The following STPG4 variants were observed in gnomAD, a reference collection of about 807,000 sequenced individuals.
The protein encoded by STPG4 is protein STPG4.
Under a neutral mutation model 31.5 loss-of-function variants are expected in STPG4, and 41 were observed. The ratio of observed to expected loss-of-function variants is 1.30; its 90% CI spans 1.01 to 1.69. The LOEUF (loss-of-function observed/expected upper bound fraction) is 1.69. Among genes scored for constraint, STPG4 ranks in the 40% most tolerant of loss-of-function variants. STPG4 has a pLI of 0.00. For missense variants in STPG4, 375 were observed against 293.4 expected (o/e 1.28, Z -2.03); for synonymous variants, 141 against 103.0 (o/e 1.37, Z -2.24).
At chr2:47,125,901 T>A (rs1432290672) in intron 5 of STPG4, among the ~76,000 whole-genome samples, 1 of 152,172 alleles carries the variant, frequency 6.6e-6, no homozygotes, top group Admixed American at 6.5e-5. Flanking sequence ...TTTTGTAAAA[T>A]GGCAAGAGAT....
intron 5 of STPG4, among the ~76,000 whole-genome samples, chr2:47,099,634 C>A (rs796925721): frequency 2.6e-5 from 4 of 152,390 alleles, no homozygotes; most frequent in African/African-American, 9.6e-5. Flanking sequence ...TTTGGCGGCA[C>A]TTGAGGAGCC....
chr2:47,138,977 T>G (rs1356575139), intron 3 of STPG4, among the ~76,000 whole-genome samples: 3 of 152,208 alleles, frequency 2.0e-5, no homozygotes, highest in African/African-American at 7.2e-5. Context: ...GAGCCACCGC[T>G]GCCAGCCCTG....
At chr2:47,125,264 A>T (rs1686343288) in intron 5 of STPG4, among the ~76,000 whole-genome samples, 1 of 152,156 alleles carries the variant, frequency 6.6e-6, no homozygotes, top group African/African-American at 2.4e-5. Context: ...CTACAAAAAA[A>T]TACAAAAATT....
intron 3 of STPG4, among the ~76,000 whole-genome samples, chr2:47,144,219 A>G (rs372335224): frequency 2.0e-5 from 3 of 152,256 alleles, no homozygotes; most frequent in Non-Finnish European, 4.4e-5. Flanking sequence ...TCTGCAAGGT[A>G]GACTTGCAGA....
At chr2:47,103,762 C>G (rs996987738) in intron 5 of STPG4, among the ~76,000 whole-genome samples, 3 of 152,002 alleles carry the variant, frequency 2.0e-5, no homozygotes, top group African/African-American at 7.3e-5. Context: ...GATGATCCAA[C>G]AACAGGACTG....
Position 47,106,334 on chromosome 2 carries a change from C to G in STPG4, c.520-15960G>C, listed in dbSNP as rs145980617. Among the ~76,000 whole-genome samples, 560 of 151,968 alleles carry G rather than the reference C, an allele frequency of 3.7e-3. 16 individuals are homozygous for G. The highest frequency in any genetic ancestry group is 0.013 in the African/African-American group (521 of 41,288). On this transcript the variant is annotated intron_variant, in intron 5 of 6. Coordinates refer to ENST00000445927, the MANE Select transcript of STPG4 (RefSeq NM_001163561.2). ...ATTAACATTGCCCCAGGAAATCAGA[C>G]CTTATCAGTACCCCTCAAAGCTCAA...
At chr2:47,089,322 A>G (rs1376364766) in intron 6 of STPG4, among the ~76,000 whole-genome samples, 1 of 152,148 alleles carries the variant, frequency 6.6e-6, no homozygotes, top group Non-Finnish European at 1.5e-5. Flanking sequence ...ATCACTCTAG[A>G]TAAAGGCTGT....
intron 3 of STPG4, among the ~76,000 whole-genome samples, chr2:47,141,230 C>G (rs1366769951): frequency 1.3e-5 from 2 of 151,638 alleles, no homozygotes; most frequent in East Asian, 3.9e-4. Context: ...TCTCTTCTCT[C>G]TCAGAAGTAA....
At chr2:47,092,800 T>A (rs1685597937) in intron 5 of STPG4, among the ~76,000 whole-genome samples, 1 of 4,910 alleles carries the variant, frequency 2.0e-4, no homozygotes. Flanking sequence ...CACGGTTCTG[T>A]TTTTTTTTTT....
At chr2:47,111,339 CT>C (rs1443990509) in intron 5 of STPG4, among the ~76,000 whole-genome samples, 3 of 152,196 alleles carry the variant, frequency 2.0e-5, no homozygotes, top group Non-Finnish European at 4.4e-5. Flanking sequence ...TGCAGAGTAT[CT>C]GATATCCTTA....
At chr2:47,148,471 C>G (rs180780857) in intron 3 of STPG4, among the ~76,000 whole-genome samples, 1 of 151,734 alleles carries the variant, frequency 6.6e-6, no homozygotes, top group Non-Finnish European at 1.5e-5. Flanking sequence ...TACAGATTCT[C>G]GAGTTGAGTT....
At chr2:47,121,497 G>A (rs940594060) in intron 5 of STPG4, among the ~76,000 whole-genome samples, 1 of 151,928 alleles carries the variant, frequency 6.6e-6, no homozygotes, top group Admixed American at 6.6e-5. Flanking sequence ...CTACAGATAC[G>A]GATATTTATG....
chr2:47,148,472 G>A (rs141102262), intron 3 of STPG4, among the ~76,000 whole-genome samples: 193 of 151,904 alleles, frequency 1.3e-3, no homozygotes, highest in African/African-American at 4.3e-3. Context: ...ACAGATTCTC[G>A]AGTTGAGTTA....
At chr2:47,116,181 G>A (rs568335367) in intron 5 of STPG4, among the ~76,000 whole-genome samples, 17 of 152,290 alleles carry the variant, frequency 1.1e-4, no homozygotes, top group South Asian at 2.1e-4. Context: ...GTTTGAATGC[G>A]TCCCCTCCAA....
chr2:47,152,566 T>C (rs1165317541), intron 2 of STPG4, among the ~76,000 whole-genome samples: 1 of 152,254 alleles, frequency 6.6e-6, no homozygotes, highest in Admixed American at 6.5e-5. Flanking sequence ...TTTGCTTTCA[T>C]ATATTGACCA....
Position 47,126,501 on chromosome 2 carries a change from A to AT in STPG4, c.519+3439dup, listed in dbSNP as rs1004169798. 3.3e-5 allele frequency among the ~76,000 whole-genome samples: 5 copies of AT among 151,860 alleles called. No individual in the cohort carries two copies. The East Asian group carries it at 7.7e-4, about 23-fold the overall frequency. On this transcript the variant is annotated intron_variant, in intron 5 of 6. Coordinates refer to ENST00000445927, the MANE Select transcript of STPG4 (RefSeq NM_001163561.2). ...GCCATCATGCCCAGGTAATTTTTAA[A>AT]TTTTTTGTAGAGATGGAGTCTCTCT...
chr2:47,088,476 G>C (rs910481615), intron 6 of STPG4, among the ~76,000 whole-genome samples: 1 of 152,178 alleles, frequency 6.6e-6, no homozygotes, highest in Non-Finnish European at 1.5e-5. Flanking sequence ...ACAACCAACA[G>C]CTCAGTGGGA....
chr2:47,088,975 A>G (rs1685515282), intron 6 of STPG4, among the ~76,000 whole-genome samples: 1 of 152,202 alleles, frequency 6.6e-6, no homozygotes, highest in African/African-American at 2.4e-5. Context: ...GGGTTCAGCC[A>G]CCTTGAGAAC....
At chr2:47,118,533 A>T (rs1229022277) in intron 5 of STPG4, among the ~76,000 whole-genome samples, 2 of 151,994 alleles carry the variant, frequency 1.3e-5, no homozygotes, top group Non-Finnish European at 2.9e-5. Flanking sequence ...ACCATTCCCC[A>T]CTCCAACCCT....
Sources: allele counts gnomAD v4.1 joint callset (sites outside exome capture counted in the v4.1 genomes callset), GRCh38; gene constraint gnomAD v4.1.1; transcripts MANE v1.5; gene names NCBI Gene and HGNC (gene_info 2026-07-23, HGNC 2026-07-21).